Variants in KLK11 observed in about 807,000 individuals in gnomAD.
KLK11 encodes kallikrein-11.
Under a neutral mutation model 23.4 loss-of-function variants are expected in KLK11, and 10 were observed. The ratio of observed to expected loss-of-function variants is 0.43; its 90% CI spans 0.26 to 0.73. KLK11 has a LOEUF of 0.73. KLK11 is among the 30% of genes least tolerant of loss of function. The probability of loss-of-function intolerance (pLI) is 0.22; values close to 1 mark genes in which losing one functional copy is unlikely to be tolerated. For missense variants in KLK11, 285 were observed against 327.8 expected, an observed-to-expected ratio of 0.87 and a Z score of 1.01; for synonymous variants, 131 against 131.7, an observed-to-expected ratio of 0.99 and a Z score of 0.03.
At position 51,025,564 on chromosome 19, in the gene KLK11, T is replaced by C; in HGVS notation, c.40+28A>G. The C allele has an allele frequency of 6.8e-7, 1 of 1,477,580 alleles. No individual in the cohort carries two copies. The highest frequency in any genetic ancestry group is 9.2e-7 in the Non-Finnish European group (1 of 1,086,594). The allele number at this position is 1,477,580 out of a possible 1,614,324, so 91.5% of individuals were successfully genotyped here. On this transcript the variant is annotated intron_variant, in intron 2 of 5. Transcript: ENST00000453757. This position sits in a 1 kb window ranked among gnomAD's most constrained non-coding sequence, Gnocchi z 6.2. ...GATCCCAGAGATTCAAGAGGGAGGA[T>C]CCTGCCCTGCCCCCATCCCCTGCGT...
rs1326322108 is a variant in KLK11 at position 51,024,408 on chromosome 19, G to T, written c.198-98C>A. 6.5e-7 allele frequency: 1 copy of T among 1,534,442 alleles called. No homozygotes were observed. The highest frequency in any genetic ancestry group is 1.8e-5 in the Admixed American group (1 of 56,272). On this transcript the variant is annotated intron_variant, in intron 3 of 5. Coordinates refer to ENST00000453757, the MANE Select transcript of KLK11 (RefSeq NM_001136032.3). The surrounding 1 kb of genome is among the most constrained non-coding windows in gnomAD (Gnocchi z 6.2). ...TTTGAGGATGAAGAAACATCGCTCT[G>T]CTTCCAACCTCTTCCACGTCTCCCA...
At chr19:51,023,777 A>G in intron 4 of KLK11, 1 of 387,632 alleles carries the variant, frequency 2.6e-6, no homozygotes, top group Non-Finnish European at 4.6e-6. Context: ...CATTTTATAG[A>G]GAAGAAAATC....
In KLK11 at chr19:51,023,150, T is replaced by G. The variant is rs766647914; in HGVS notation, c.542A>C (p.Asn181Thr). 1 of 1,613,648 alleles carries G rather than the reference T, an allele frequency of 6.2e-7. No homozygotes were observed. The highest frequency in any genetic ancestry group is 8.5e-7 in the Non-Finnish European group (1 of 1,179,854). Residue 181 changes from asparagine (N) to threonine (T), a missense_variant, in exon 5 of 6, where the codon AAC becomes ACC. Asn to Thr is a moderately conservative substitution (Grantham distance 65). Transcript: ENST00000453757. ...HQKCENAYPG[N>T]ITDTMVCASV... ...GGCACACACCATGGTGTCTGTGATG[T>G]TGCCGGGGTAGGCGTTCTCACACTT... is the stretch of plus-strand genomic sequence containing the variant.
rs772545168 is a variant in KLK11 at position 51,025,017 on chromosome 19, A to G, written c.41-223T>C. Among the ~76,000 whole-genome samples the G allele has an allele frequency of 5.3e-5, 8 of 152,044 alleles. No homozygotes were observed. The highest frequency in any genetic ancestry group is 8.8e-5 in the Non-Finnish European group (6 of 68,002). On this transcript the variant is annotated intron_variant, in intron 2 of 5. Transcript: ENST00000453757. The surrounding 1 kb of genome is among the most constrained non-coding windows in gnomAD (Gnocchi z 6.2). ...TCATGCCTGTAATCCCAGCACTTTG[A>G]GAGGCTAAGGTGGGAGGATTACTTG...
At chr19:51,023,959 C>CGCATCTCT (rs1310514925) in intron 4 of KLK11, 86 bp downstream of exon 4, 68 of 1,111,552 alleles carry the variant, frequency 6.1e-5, no homozygotes, top group Admixed American at 9.0e-5. Context: ...CACTGTGAAC[C>CGCATCTCT]GCATCTCTGA....
At position 51,022,446 on chromosome 19, in the gene KLK11, G is replaced by A. The variant is rs1320397035; in HGVS notation, c.*99C>T. Reference sequence around the variant, plus strand: ...AGTCCAGGAGGCCCAAAGAATGTTCGTAGAGGGTCTTGGCTTAGGGTTTCT... The same window carrying A: ...AGTCCAGGAGGCCCAAAGAATGTTCATAGAGGGTCTTGGCTTAGGGTTTCT... On this transcript the variant is annotated 3_prime_UTR_variant, in exon 6 of 6. Coordinates refer to ENST00000453757, the MANE Select transcript of KLK11 (RefSeq NM_001136032.3). 9.1e-6 allele frequency: 13 copies of A among 1,434,098 alleles called. No individual in the cohort carries two copies. Among genetic ancestry groups the A allele is most frequent in the Admixed American group, 6.8e-5 (4 of 59,180 alleles). 88.8% of individuals were successfully genotyped at this position (1,434,098 alleles called of 1,614,324 possible).
At chr19:51,023,522 T>A (rs1212008424) in intron 4 of KLK11, 1 of 303,218 alleles carries the variant, frequency 3.3e-6, no homozygotes, top group African/African-American at 2.2e-5. Flanking sequence ...GTAGCTGGGA[T>A]TACAGGCGCA....
upstream of KLK11, chr19:51,026,633 G>T: frequency 1.0e-6 from 1 of 986,450 alleles, no homozygotes; most frequent in Non-Finnish European, 1.2e-6. Context: ...CCAGGTGCCA[G>T]GCACCAGGCA....
At position 51,025,587 on chromosome 19, in the gene KLK11, C is replaced by T. The variant is rs759534396; in HGVS notation, c.40+5G>A. ...GATCCTGCCCTGCCCCCATCCCCTG[C>T]GTACCTGTTGCCAGAGCAAGCAGGA... On this transcript the variant is annotated splice_donor_5th_base_variant and intron_variant, in intron 2 of 5. Coordinates refer to ENST00000453757, the MANE Select transcript of KLK11 (RefSeq NM_001136032.3). This position sits in a 1 kb window ranked among gnomAD's most constrained non-coding sequence, Gnocchi z 6.2. The T allele has an allele frequency of 1.2e-5, 19 of 1,568,434 alleles. No homozygotes were observed. The South Asian group carries it at 1.7e-4, about 14-fold the overall frequency.
chr19:51,026,568 G>A lies in KLK11; in HGVS notation c.-66C>T. 1.0e-6 allele frequency: 1 copy of A among 986,590 alleles called. No individual in the cohort carries two copies. The highest frequency in any genetic ancestry group is 1.2e-6 in the Non-Finnish European group (1 of 830,450). 61.1% of individuals were successfully genotyped at this position (986,590 alleles called of 1,614,324 possible). Reference sequence around the variant, plus strand: ...CTGGGGCTGGGGCTCTGGGGGCCCAGTGGCGGCGGAGACGGCAGTGGCGGC... The same window carrying A: ...CTGGGGCTGGGGCTCTGGGGGCCCAATGGCGGCGGAGACGGCAGTGGCGGC... On this transcript the variant is annotated 5_prime_UTR_variant, in exon 1 of 6. Coordinates refer to ENST00000453757, the MANE Select transcript of KLK11 (RefSeq NM_001136032.3).
rs921664821 is a variant in KLK11 at position 51,024,309 on chromosome 19, G to A, written c.199C>T (p.Arg67Cys). Residue 67 changes from arginine (R) to cysteine (C), a missense_variant and splice_region_variant, in exon 4 of 6, where the codon CGC becomes TGC. Transcript: ENST00000453757. This position sits in a 1 kb window ranked among gnomAD's most constrained non-coding sequence, Gnocchi z 6.2. ...LLTAAHCLKP[R>C]YIVHLGQHNL... Reference sequence around the variant, plus strand: ...TGCTGCCCCAGGTGAACTATGTAGCGGCTGAGGTGGGAGAGACAGTAGTTG... The same window carrying A: ...TGCTGCCCCAGGTGAACTATGTAGCAGCTGAGGTGGGAGAGACAGTAGTTG... 5.6e-6 allele frequency: 9 copies of A among 1,613,288 alleles called. No individual in the cohort carries two copies. The highest frequency in any genetic ancestry group is 1.3e-5 in the African/African-American group (1 of 74,996).
rs368582243 is a variant in KLK11, at chr19:51,024,661, C to A, written c.174G>T (p.Leu58=). 1 of 1,587,428 alleles carries A rather than the reference C, an allele frequency of 6.3e-7. No individual in the cohort carries two copies. The highest frequency in any genetic ancestry group is 1.4e-5 in the African/African-American group (1 of 74,058). ...GATLIAPRWL[L]TAAHCLKPRY... ...ACGGCTTGAGGCAGTGGGCTGCTGT[C>A]AGGAGCCATCTGGGGGCGATGAGCG... The change falls in exon 3 of 6, where the codon CTG becomes CTT. Residue 58 remains leucine (L), a synonymous_variant. Coordinates refer to ENST00000453757, the MANE Select transcript of KLK11 (RefSeq NM_001136032.3). The surrounding 1 kb of genome is among the most constrained non-coding windows in gnomAD (Gnocchi z 6.2).
chr19:51,025,751 C>G lies in KLK11; in HGVS notation c.-35-85G>C, dbSNP rs113369548. 856 of 561,424 alleles carry G rather than the reference C, an allele frequency of 1.5e-3. 5 individuals are homozygous for G. Among genetic ancestry groups the G allele is most frequent in the African/African-American group, 0.014 (734 of 51,148 alleles). The allele number at this position is 561,424 out of a possible 1,614,324, so 34.8% of individuals were successfully genotyped here. A position where few individuals can be genotyped will look rare whatever the true frequency, so the allele number is the denominator to read the frequency against. Reference sequence around the variant, plus strand: ...CTGGCTCATGCCCTCTCCTCTCTCCCTCACCTGCTCCCGCTCCCCACTTGG... The same window carrying G: ...CTGGCTCATGCCCTCTCCTCTCTCCGTCACCTGCTCCCGCTCCCCACTTGG... On this transcript the variant is annotated intron_variant, in intron 1 of 5. Transcript: ENST00000453757. This position sits in a 1 kb window ranked among gnomAD's most constrained non-coding sequence, Gnocchi z 6.2.
Position 51,024,602 on chromosome 19 carries a change from C to A in KLK11, c.197+36G>T, listed in dbSNP as rs533460207. On this transcript the variant is annotated intron_variant, in intron 3 of 5. Coordinates refer to ENST00000453757, the MANE Select transcript of KLK11 (RefSeq NM_001136032.3). The surrounding 1 kb of genome is among the most constrained non-coding windows in gnomAD (Gnocchi z 6.2). ...CTCCATCCATCTCCCCATTCCCAGC[C>A]CCCCACCCCGGCACCGCCCCAGCCC... is the stretch of plus-strand genomic sequence containing the variant. The A allele has an allele frequency of 2.7e-6, 4 of 1,468,124 alleles. No homozygotes were observed. Among genetic ancestry groups the A allele is most frequent in the African/African-American group, 1.4e-5 (1 of 70,406 alleles). The allele number at this position is 1,468,124 out of a possible 1,614,324, so 90.9% of individuals were successfully genotyped here.
chr19:51,023,304 G>C, intron 4 of KLK11, 76 bp from the exon 5 acceptor site: 1 of 1,533,100 alleles, frequency 6.5e-7, no homozygotes, highest in Non-Finnish European at 8.8e-7. Flanking sequence ...CTGTGATCCC[G>C]CCCCTGGGGG....
chr19:51,022,742 A>T (rs1293755627), intron 5 of KLK11, 45 bp from the exon 6 acceptor site: 13 of 1,609,810 alleles, frequency 8.1e-6, no homozygotes, highest in Non-Finnish European at 1.0e-5. Context: ...AGCGTTGAGC[A>T]TGGTGTTAGC....
At chr19:51,027,199 G>T, upstream of KLK11, 1 of 492,552 alleles carries the variant, frequency 2.0e-6, no homozygotes, top group Admixed American at 3.5e-5. Context: ...CCTCCCCTAG[G>T]CCGCTCCCTT....
At chr19:51,022,787 G>A (rs987419258) in intron 5 of KLK11, 90 bp from the exon 6 acceptor site, 1 of 1,401,832 alleles carries the variant, frequency 7.1e-7, no homozygotes, top group Non-Finnish European at 1.0e-6. Context: ...TAGGAGTGGG[G>A]CCGAGACAGG....
At chr19:51,027,605 C>T (rs1213173765), upstream of KLK11, 1 of 1,531,296 alleles carries the variant, frequency 6.5e-7, no homozygotes, top group African/African-American at 1.4e-5. Context: ...CCCTCTCTCC[C>T]CTGACCAGGT....
Sources: allele counts gnomAD v4.1 joint callset (sites outside exome capture counted in the v4.1 genomes callset), GRCh38; gene constraint gnomAD v4.1.1; non-coding constraint Gnocchi (gnomAD v3.1); transcripts MANE v1.5; gene names NCBI Gene and HGNC (gene_info 2026-07-23, HGNC 2026-07-21).